The following CADM2 variants were observed in gnomAD, a reference collection of about 807,000 sequenced individuals.
CADM2 encodes the protein immunoglobulin superfamily member 4D.
CADM2 carries 12 observed loss-of-function variants against 49.8 expected under a neutral mutation model. The observed-to-expected ratio is 0.24, with a 90% confidence interval of 0.15 to 0.39. The LOEUF is 0.39. CADM2 is among the 10% of genes least tolerant of loss of function. The pLI, the probability that CADM2 is intolerant of heterozygous loss-of-function variation, is 1.00. For missense variants in CADM2, 378 were observed against 492.3 expected, an observed-to-expected ratio of 0.77 and a Z score of 2.20; for synonymous variants, 214 against 175.4, an observed-to-expected ratio of 1.22 and a Z score of -1.74.
intron 1 of CADM2, among the ~76,000 whole-genome samples, chr3:85,618,446 T>A (rs2063864349): frequency 1.3e-5 from 2 of 152,170 alleles, no homozygotes. Context: ...GATGTTTGTT[T>A]TCGCATATCT....
intron 2 of CADM2, among the ~76,000 whole-genome samples, chr3:85,790,226 T>A (rs2071244101): frequency 6.6e-6 from 1 of 152,238 alleles, no homozygotes; most frequent in Non-Finnish European, 1.5e-5. Flanking sequence ...AATGATGTTA[T>A]GTTTCACCTA....
chr3:86,009,173 G>GTA (rs1329003365), intron 8 of CADM2, among the ~76,000 whole-genome samples: 1 of 140,268 alleles, frequency 7.1e-6, no homozygotes, highest in Non-Finnish European at 1.5e-5. Context: ...ATATATATAG[G>GTA]TATATATATG....
At chr3:85,749,601 A>G (rs2068778958) in intron 2 of CADM2, among the ~76,000 whole-genome samples, 1 of 152,024 alleles carries the variant, frequency 6.6e-6, no homozygotes, top group Non-Finnish European at 1.5e-5. Context: ...AAAAATGCTG[A>G]CAGAGAAATC....
intron 1 of CADM2, among the ~76,000 whole-genome samples, chr3:85,200,238 T>A (rs2041458117): frequency 6.6e-6 from 1 of 152,028 alleles, no homozygotes; most frequent in Non-Finnish European, 1.5e-5. Context: ...AGATTATGGG[T>A]ATGAAAGGCA....
intron 1 of CADM2, among the ~76,000 whole-genome samples, chr3:85,191,700 G>T (rs1425021263): frequency 6.6e-6 from 1 of 152,108 alleles, no homozygotes; most frequent in East Asian, 1.9e-4. Flanking sequence ...AAAGGAATAA[G>T]TGAGTGTATT....
chr3:86,012,730 C>G, intron 8 of CADM2: 1 of 858,900 alleles, frequency 1.2e-6, no homozygotes, highest in Non-Finnish European at 1.9e-6. Context: ...TGACTCACGC[C>G]TGTAATCCCA....
chr3:85,973,324 G>A (rs1390617227), intron 8 of CADM2, among the ~76,000 whole-genome samples: 2 of 151,684 alleles, frequency 1.3e-5, no homozygotes, highest in African/African-American at 4.8e-5. Flanking sequence ...CCATGGCCAT[G>A]CCTGTGGATA....
intron 1 of CADM2, among the ~76,000 whole-genome samples, chr3:85,710,091 G>C (rs960349904): frequency 1.3e-5 from 2 of 152,100 alleles, no homozygotes; most frequent in South Asian, 4.1e-4. Flanking sequence ...TAAAAAGTGG[G>C]ATGAACATAA....
intron 8 of CADM2, chr3:85,979,084 G>A: frequency 1.4e-6 from 2 of 1,477,210 alleles, no homozygotes; most frequent in Admixed American, 1.8e-5. Context: ...TAAGTTATAT[G>A]TATTTATAAT....
intron 1 of CADM2, among the ~76,000 whole-genome samples, chr3:85,316,257 T>C (rs963113415): frequency 8.5e-5 from 13 of 152,176 alleles, no homozygotes; most frequent in Non-Finnish European, 2.9e-5. Context: ...CATCTATATA[T>C]ATTAATATTT....
chr3:85,005,451 C>A (rs1177799488), intron 1 of CADM2, among the ~76,000 whole-genome samples: 2 of 151,922 alleles, frequency 1.3e-5, no homozygotes, highest in Non-Finnish European at 2.9e-5. Flanking sequence ...ACTACATATG[C>A]TGATTGGAAA....
intron 8 of CADM2, among the ~76,000 whole-genome samples, chr3:86,044,914 A>G (rs1578048140): frequency 6.6e-6 from 1 of 152,180 alleles, no homozygotes; most frequent in Non-Finnish European, 1.5e-5. Flanking sequence ...TTTTAGGGAC[A>G]TGGATGAAGC....
chr3:84,960,438 A>T (rs2107030345), intron 1 of CADM2: 1 of 152,196 alleles, frequency 6.6e-6, no homozygotes, highest in South Asian at 2.1e-4. Flanking sequence ...ACCCAAACCC[A>T]CTTTATCAAC....
At chr3:85,517,337 G>A (rs2106876356) in intron 1 of CADM2, among the ~76,000 whole-genome samples, 1 of 151,990 alleles carries the variant, frequency 6.6e-6, no homozygotes, top group East Asian at 1.9e-4. Flanking sequence ...GAATTATTTT[G>A]TTGTTTTAGA....
chr3:85,179,591 T>A (rs747174006), intron 1 of CADM2, among the ~76,000 whole-genome samples: 121 of 152,076 alleles, frequency 8.0e-4, no homozygotes, highest in Non-Finnish European at 1.6e-3. Flanking sequence ...ACTTCTGGGG[T>A]CATATTATTA....
chr3:85,706,847 A>G (rs971646375), intron 1 of CADM2, among the ~76,000 whole-genome samples: 2 of 152,172 alleles, frequency 1.3e-5, no homozygotes, highest in African/African-American at 2.4e-5. Context: ...ATAAAGAAAA[A>G]GGGGTTTTAA....
At chr3:85,579,742 TG>T (rs1462294321) in intron 1 of CADM2, among the ~76,000 whole-genome samples, 4 of 152,120 alleles carry the variant, frequency 2.6e-5, no homozygotes, top group Non-Finnish European at 5.9e-5. Context: ...AGAAAAAATA[TG>T]GGCTCAATAC....
At chr3:85,044,745 A>T (rs566502313) in intron 1 of CADM2, among the ~76,000 whole-genome samples, 2 of 152,130 alleles carry the variant, frequency 1.3e-5, no homozygotes, top group Non-Finnish European at 2.9e-5. Flanking sequence ...CAAGCTAAGA[A>T]TATCCCATTT....
rs200672542 is a variant in CADM2 at position 85,999,502 on chromosome 3, C to CA, written c.970+37863dup. On this transcript the variant is annotated intron_variant, in intron 8 of 9. Transcript: ENST00000383699. ...CCTGAGTGACCAAGCTAGACTCTGTCAAAAAAAAGAAAAGAAAAAGAAAGA... is the reference window on the plus strand; with the variant it reads ...CCTGAGTGACCAAGCTAGACTCTGTCAAAAAAAAAGAAAAGAAAAAGAAAGA... 4.6e-3 allele frequency among the ~76,000 whole-genome samples: 510 copies of CA among 110,988 alleles called. 2 individuals carry two copies. The highest frequency in any genetic ancestry group is 5.7e-3 in the Middle Eastern group (1 of 174). 72.8% of individuals were successfully genotyped at this position (110,988 alleles called of 152,430 possible).
Sources: gnomAD v4.1 joint callset for allele counts (sites outside exome capture counted in the v4.1 genomes callset) on GRCh38, gnomAD v4.1.1 for gene constraint, MANE v1.5 for transcripts, NCBI Gene and HGNC (gene_info 2026-07-23, HGNC 2026-07-21) for gene names.